Variants in CSTF3 observed in about 807,000 individuals in gnomAD.
CSTF3 encodes the protein cleavage stimulation factor subunit 3.
Under a neutral mutation model 105.8 loss-of-function variants are expected in CSTF3, and 29 were observed. That is an observed-to-expected ratio of 0.27 (90% CI 0.20 to 0.37). The LOEUF is 0.37. CSTF3 is among the 10% of genes least tolerant of loss of function. The pLI is 1.00. For synonymous variants in CSTF3, 252 were observed against 281.9 expected (o/e 0.89, Z 1.06); for missense variants, 357 against 879.3 (o/e 0.41, Z 7.51).
chr11:33,134,081 GA>G (rs919994445), intron 3 of CSTF3, among the ~76,000 whole-genome samples: 2 of 151,750 alleles, frequency 1.3e-5, no homozygotes, highest in Non-Finnish European at 2.9e-5. Flanking sequence ...CTATAGTTCG[GA>G]AAAAAAAGAT....
At chr11:33,105,762 A>G in intron 7 of CSTF3, 69 bp from the exon 8 acceptor site, 2 of 1,543,958 alleles carry the variant, frequency 1.3e-6, no homozygotes, top group Admixed American at 3.5e-5. Flanking sequence ...CAATCTCACT[A>G]CTGGATATCT....
At chr11:33,116,802 C>T (rs1183108720) in intron 3 of CSTF3, among the ~76,000 whole-genome samples, 1 of 151,988 alleles carries the variant, frequency 6.6e-6, no homozygotes, top group African/African-American at 2.4e-5. Flanking sequence ...CAAGCAGGTA[C>T]TAGCTACAAT....
At chr11:33,108,867 T>G (rs968842224) in intron 3 of CSTF3, among the ~76,000 whole-genome samples, 11 of 152,206 alleles carry the variant, frequency 7.2e-5, no homozygotes, top group Non-Finnish European at 1.6e-4. Context: ...ATTGCAGATA[T>G]TGTGCTAGGC....
At chr11:33,108,328 T>A in intron 4 of CSTF3, 58 bp downstream of exon 4, 1 of 1,351,690 alleles carries the variant, frequency 7.4e-7, no homozygotes, top group East Asian at 2.7e-5. Context: ...ATCTGTCTTA[T>A]ACATACTAGG....
At chr11:33,144,502 C>A (rs1295099851) in intron 1 of CSTF3, among the ~76,000 whole-genome samples, 1 of 152,080 alleles carries the variant, frequency 6.6e-6, no homozygotes, top group African/African-American at 2.4e-5. Flanking sequence ...ATGTTCAAAT[C>A]AGAATGGTGA....
chr11:33,122,087 C>T (rs1004135591), intron 3 of CSTF3, among the ~76,000 whole-genome samples: 4 of 152,084 alleles, frequency 2.6e-5, no homozygotes, highest in African/African-American at 9.7e-5. Flanking sequence ...TGCACAGAAA[C>T]AAGATATAAA....
intron 17 of CSTF3, among the ~76,000 whole-genome samples, chr11:33,088,653 C>T (rs891476059): frequency 3.9e-5 from 6 of 151,950 alleles, no homozygotes; most frequent in African/African-American, 1.5e-4. Context: ...CACTCTGTCA[C>T]CCAGTCAGGA....
At chr11:33,092,138 TA>T in intron 16 of CSTF3, 132 bp downstream of exon 16, 1 of 566,832 alleles carries the variant, frequency 1.8e-6, no homozygotes, top group Non-Finnish European at 3.1e-6. Context: ...TGCTGATAGG[TA>T]AAATAAAACT....
rs1817367154 is a variant in CSTF3, at chr11:33,108,421, G to A, written c.226-3C>T. 2.0e-6 allele frequency: 3 copies of A among 1,471,402 alleles called. No individual in the cohort carries two copies. The highest frequency in any genetic ancestry group is 2.7e-6 in the Non-Finnish European group (3 of 1,099,222). The allele number at this position is 1,471,402 out of a possible 1,614,324, so 91.1% of individuals were successfully genotyped here. ...TTGTCATAATTTTTAGCTTTAATCT[G>A]AAGAGAAACAGAAAAATATAGAATT... On this transcript the variant is annotated splice_polypyrimidine_tract_variant and splice_region_variant and intron_variant, in intron 3 of 20. Transcript: ENST00000323959.
chr11:33,146,056 G>C (rs899979290), intron 1 of CSTF3, among the ~76,000 whole-genome samples: 2 of 151,542 alleles, frequency 1.3e-5, no homozygotes, highest in African/African-American at 4.9e-5. Context: ...AACCAATATG[G>C]TGAAACCCCC....
intron 3 of CSTF3, among the ~76,000 whole-genome samples, chr11:33,122,930 AAAAAG>A (rs1565011146): frequency 6.7e-6 from 1 of 149,084 alleles, no homozygotes. Context: ...AAAAAAAAAA[AAAAAG>A]AAAAGAAAAA....
intron 3 of CSTF3, among the ~76,000 whole-genome samples, chr11:33,124,976 C>T (rs1855529211): frequency 6.6e-6 from 1 of 152,152 alleles, no homozygotes; most frequent in African/African-American, 2.4e-5. Flanking sequence ...TCTATAGTTT[C>T]ATCCTCATGT....
chr11:33,102,042 A>C, intron 10 of CSTF3, 135 bp downstream of exon 10: 1 of 596,700 alleles, frequency 1.7e-6, no homozygotes, highest in Non-Finnish European at 2.9e-6. Flanking sequence ...ATATGGAGAT[A>C]GATCTATAGG....
At chr11:33,145,190 G>C (rs1172032190) in intron 1 of CSTF3, among the ~76,000 whole-genome samples, 1 of 152,058 alleles carries the variant, frequency 6.6e-6, no homozygotes. Context: ...TCAGCACTTT[G>C]GGGTTGGTGG....
intron 3 of CSTF3, among the ~76,000 whole-genome samples, chr11:33,115,398 A>T (rs1276817800): frequency 1.3e-5 from 2 of 152,216 alleles, no homozygotes; most frequent in African/African-American, 4.8e-5. Flanking sequence ...AGTCGTTTTA[A>T]GGAATTTGGA....
chr11:33,093,848 C>T (rs1013505366), intron 15 of CSTF3, among the ~76,000 whole-genome samples: 1 of 152,116 alleles, frequency 6.6e-6, no homozygotes, highest in African/African-American at 2.4e-5. Flanking sequence ...GCTGGGACTA[C>T]AGGTGCACGC....
chr11:33,126,203 T>TA (rs1303279654), intron 3 of CSTF3, among the ~76,000 whole-genome samples: 1 of 152,148 alleles, frequency 6.6e-6, no homozygotes, highest in Non-Finnish European at 1.5e-5. Flanking sequence ...CTCATGCCTG[T>TA]AATCCCAACA....
intron 1 of CSTF3, among the ~76,000 whole-genome samples, chr11:33,147,387 G>T (rs1384018666): frequency 6.7e-6 from 1 of 150,118 alleles, no homozygotes; most frequent in South Asian, 2.1e-4. Context: ...ACGAGGTCAG[G>T]AGTTCGAGAC....
In CSTF3 at chr11:33,102,433, G is replaced by A. The variant is rs1025886886; in HGVS notation, c.664-94C>T. On this transcript the variant is annotated intron_variant, in intron 9 of 20. Transcript: ENST00000323959. ...ATCAGTTTGGAAGACTGTTCAAGAT[G>A]CCTACTTTTTCCAAATACCACTTTG... 8 of 1,124,094 alleles carry A rather than the reference G, an allele frequency of 7.1e-6. No homozygotes were observed. In the African/African-American group the frequency reaches 7.8e-5, roughly 11 times the overall value. The allele number at this position is 1,124,094 out of a possible 1,614,324, so 69.6% of individuals were successfully genotyped here.
Sources: gnomAD v4.1 joint callset for allele counts (sites outside exome capture counted in the v4.1 genomes callset) on GRCh38, gnomAD v4.1.1 for gene constraint, MANE v1.5 for transcripts, NCBI Gene and HGNC (gene_info 2026-07-23, HGNC 2026-07-21) for gene names.